The following ARF1 variants were observed in gnomAD, a reference collection of about 807,000 sequenced individuals.
The protein encoded by ARF1 is ADP-ribosylation factor 1.
A neutral mutation model predicts 18.0 loss-of-function variants in ARF1; 1 was observed. The ratio of observed to expected loss-of-function variants is 0.06; its 90% CI spans 0.02 to 0.26. ARF1 has a LOEUF of 0.26. Ranked by LOEUF, ARF1 falls within the 10% of genes least tolerant of loss-of-function variation. The pLI, the probability that ARF1 is intolerant of heterozygous loss-of-function variation, is 1.00. For synonymous variants in ARF1, 112 were observed against 96.3 expected (o/e 1.16, Z -0.95); for missense variants, 73 against 247.2 (o/e 0.30, Z 4.73).
At chr1:228,093,581 G>T (rs1211505610) in intron 1 of ARF1, among the ~76,000 whole-genome samples, 1 of 151,404 alleles carries the variant, frequency 6.6e-6, no homozygotes, top group Non-Finnish European at 1.5e-5. Context: ...TTCCATTGCA[G>T]GGTGGCTTCC....
intron 1 of ARF1, among the ~76,000 whole-genome samples, chr1:228,095,419 C>G (rs1383724532): frequency 6.6e-6 from 1 of 152,220 alleles, no homozygotes; most frequent in Non-Finnish European, 1.5e-5. Flanking sequence ...CCTGCTGCAG[C>G]TGCTCCCCTA....
At chr1:228,085,211 AGTG>A (rs2032354214) in intron 1 of ARF1, among the ~76,000 whole-genome samples, 1 of 152,226 alleles carries the variant, frequency 6.6e-6, no homozygotes, top group African/African-American at 2.4e-5. Flanking sequence ...TAGCGTCTGA[AGTG>A]GTCTTTTGGA....
At chr1:228,091,965 A>T (rs1344551353) in intron 1 of ARF1, among the ~76,000 whole-genome samples, 1 of 152,150 alleles carries the variant, frequency 6.6e-6, no homozygotes, top group Non-Finnish European at 1.5e-5. Context: ...TCTACACTAT[A>T]TGTATGACTG....
At chr1:228,091,547 T>C (rs552366826) in intron 1 of ARF1, among the ~76,000 whole-genome samples, 66 of 152,180 alleles carry the variant, frequency 4.3e-4, no homozygotes, top group Non-Finnish European at 8.1e-4. Context: ...ATCTGCATGA[T>C]TGCAAGTCTC....
intron 1 of ARF1, 149 bp from the exon 2 acceptor site, chr1:228,096,929 G>T (rs1340840186): frequency 3.1e-6 from 2 of 653,396 alleles, no homozygotes; most frequent in Non-Finnish European, 4.9e-6. Context: ...AGGTGGATTT[G>T]GGGGGCATGG....
rs2032811841 is a variant in ARF1 at position 228,098,062 on chromosome 1, T to C, written c.*49T>C. ...CCTCTTGCCCTCTGCTTTACTCTCA[T>C]GTGGCAAACGTGCGGCTCGTGGTGT... On this transcript the variant is annotated 3_prime_UTR_variant, in exon 5 of 5. Coordinates refer to ENST00000272102, the MANE Select transcript of ARF1 (RefSeq NM_001658.4). 6.4e-7 allele frequency: 1 copy of C among 1,560,920 alleles called. No individual in the cohort carries two copies. Among genetic ancestry groups the C allele is most frequent in the African/African-American group, 1.4e-5 (1 of 73,924 alleles).
At chr1:228,092,860 A>C (rs2032617205) in intron 1 of ARF1, among the ~76,000 whole-genome samples, 1 of 152,196 alleles carries the variant, frequency 6.6e-6, no homozygotes, top group Admixed American at 6.5e-5. Context: ...TCACAGAGCT[A>C]CATTTTCTCC....
intron 1 of ARF1, among the ~76,000 whole-genome samples, chr1:228,084,342 A>C (rs538105971): frequency 1.3e-5 from 2 of 152,350 alleles, no homozygotes; most frequent in South Asian, 4.1e-4. Flanking sequence ...ATGTTTTCAC[A>C]TGTTGGTAGA....
chr1:228,086,114 A>G (rs923851122), intron 1 of ARF1, among the ~76,000 whole-genome samples: 3 of 152,196 alleles, frequency 2.0e-5, no homozygotes, highest in African/African-American at 7.2e-5. Flanking sequence ...TCACACCTAT[A>G]CCATGAAGTC....
chr1:228,093,345 C>T (rs1233903177), intron 1 of ARF1, among the ~76,000 whole-genome samples: 2 of 152,118 alleles, frequency 1.3e-5, no homozygotes, highest in African/African-American at 2.4e-5. Context: ...TCTTAGGAAA[C>T]TCTATTGGGT....
intron 1 of ARF1, among the ~76,000 whole-genome samples, chr1:228,093,898 G>A (rs1156942020): frequency 6.7e-6 from 1 of 149,060 alleles, no homozygotes; most frequent in Non-Finnish European, 1.5e-5. Context: ...AGAGGTTGCA[G>A]TGAGCTGAGA....
intron 1 of ARF1, among the ~76,000 whole-genome samples, chr1:228,093,848 C>G (rs2124852072): frequency 6.6e-6 from 1 of 151,400 alleles, no homozygotes; most frequent in East Asian, 1.9e-4. Context: ...GAATCTCGAA[C>G]CTGGGAGGCA....
At chr1:228,088,593 A>G (rs2032478459) in intron 1 of ARF1, among the ~76,000 whole-genome samples, 1 of 152,216 alleles carries the variant, frequency 6.6e-6, no homozygotes, top group Non-Finnish European at 1.5e-5. Context: ...TTATAAATCA[A>G]AGATGACTGT....
In ARF1 at chr1:228,097,024, A is replaced by C. The variant is rs2032769126; in HGVS notation, c.-37-54A>C. 1 of 1,476,928 alleles carries C rather than the reference A, an allele frequency of 6.8e-7. No homozygotes were observed. Among genetic ancestry groups the C allele is most frequent in the Admixed American group, 2.3e-5 (1 of 44,274 alleles). 91.5% of individuals were successfully genotyped at this position (1,476,928 alleles called of 1,614,324 possible). ...TGCATCCCTGGGTGGGTGGGTTCTG[A>C]GCAACCACTGCTGGGCAGCACAGAA... is the stretch of plus-strand genomic sequence containing the variant. On this transcript the variant is annotated intron_variant, in intron 1 of 4. Transcript: ENST00000272102. The surrounding 1 kb of genome is among the most constrained non-coding windows in gnomAD (Gnocchi z 8.1).
Position 228,082,735 on chromosome 1 carries a change from C to T in ARF1, c.-68C>T, listed in dbSNP as rs2032246304. On this transcript the variant is annotated 5_prime_UTR_variant, in exon 1 of 5. Coordinates refer to ENST00000272102, the MANE Select transcript of ARF1 (RefSeq NM_001658.4). The surrounding 1 kb of genome is among the most constrained non-coding windows in gnomAD (Gnocchi z 6.1). The stretch of plus-strand genomic sequence containing the variant: ...AGCCGCCATCTTGTGGGAGCAAAAC[C>T]AACGCCTGGCTCGGAGCAGCAGCCT... 1 of 151,888 alleles carries T rather than the reference C, an allele frequency of 6.6e-6. No individual in the cohort carries two copies. The highest frequency in any genetic ancestry group is 1.9e-4 in the East Asian group (1 of 5,138). The allele number at this position is 151,888 out of a possible 1,614,324, so 9.4% of individuals were successfully genotyped here.
intron 1 of ARF1, among the ~76,000 whole-genome samples, chr1:228,091,332 G>A (rs2124849113): frequency 6.6e-6 from 1 of 152,356 alleles, no homozygotes; most frequent in Admixed American, 6.5e-5. Context: ...GCCAGCAGCA[G>A]ATGTGTTAGA....
intron 1 of ARF1, among the ~76,000 whole-genome samples, chr1:228,091,671 T>C (rs1020152741): frequency 2.0e-5 from 3 of 152,212 alleles, no homozygotes; most frequent in Non-Finnish European, 4.4e-5. Flanking sequence ...TGTCTGCCTG[T>C]CACCAGTATC....
chr1:228,093,649 G>C lies in ARF1; in HGVS notation c.-37-3429G>C, dbSNP rs553451375. 4.6e-5 allele frequency among the ~76,000 whole-genome samples: 7 copies of C among 150,744 alleles called. No homozygotes were observed. In the South Asian group the frequency reaches 1.5e-3, roughly 32 times the overall value. ...TAAAAAAAAAAAAAAAAATCCGGGC[G>C]TGGTGGCTCACTCCTGTAATCCCAG... is the stretch of plus-strand genomic sequence containing the variant. On this transcript the variant is annotated intron_variant, in intron 1 of 4. Coordinates refer to ENST00000272102, the MANE Select transcript of ARF1 (RefSeq NM_001658.4).
chr1:228,093,624 TAAAAA>T (rs11420776), intron 1 of ARF1, among the ~76,000 whole-genome samples: 16 of 138,802 alleles, frequency 1.2e-4, no homozygotes, highest in African/African-American at 4.3e-4. Flanking sequence ...TTTGGTCTGT[TAAAAA>T]AAAAAAAAAA....
Sources: gnomAD v4.1 joint callset for allele counts (sites outside exome capture counted in the v4.1 genomes callset) on GRCh38, gnomAD v4.1.1 for gene constraint, Gnocchi (gnomAD v3.1) non-coding constraint, MANE v1.5 for transcripts, NCBI Gene and HGNC (gene_info 2026-07-23, HGNC 2026-07-21) for gene names.